IMMP2L: variants seen among roughly 807,000 people sequenced by gnomAD.
The protein encoded by IMMP2L is inner mitochondrial membrane peptidase subunit 2.
Under a neutral mutation model 19.3 loss-of-function variants are expected in IMMP2L, and 18 were observed. That is an observed-to-expected ratio of 0.93 (90% confidence interval 0.64 to 1.38). The LOEUF is 1.38. IMMP2L is among the 40% of genes most tolerant of loss of function. The pLI is 0.00. For synonymous variants in IMMP2L, 76 were observed against 73.0 expected (o/e 1.04, Z -0.21); for missense variants, 233 against 218.2 (o/e 1.07, Z -0.43).
At chr7:111,499,459 G>A (rs1843934325) in intron 2 of IMMP2L, among the ~76,000 whole-genome samples, 1 of 152,146 alleles carries the variant, frequency 6.6e-6, no homozygotes, top group Non-Finnish European at 1.5e-5. Context: ...GTTAATTCAT[G>A]ATATGCATCA....
At chr7:111,405,584 A>C (rs2131455489) in intron 3 of IMMP2L, among the ~76,000 whole-genome samples, 1 of 152,244 alleles carries the variant, frequency 6.6e-6, no homozygotes, top group South Asian at 2.1e-4. Context: ...TACATGAATT[A>C]TTTATGCACT....
intron 5 of IMMP2L, among the ~76,000 whole-genome samples, chr7:110,702,724 G>C (rs1431033428): frequency 6.6e-6 from 1 of 151,998 alleles, no homozygotes; most frequent in African/African-American, 2.4e-5. Flanking sequence ...TTTATTGCTA[G>C]TATAGAGAAA....
chr7:110,894,432 G>C (rs1811120730), intron 4 of IMMP2L, among the ~76,000 whole-genome samples: 1 of 152,096 alleles, frequency 6.6e-6, no homozygotes. Flanking sequence ...AGCCATTTTA[G>C]GGGCATATAA....
At chr7:110,845,002 T>C (rs538636124) in intron 5 of IMMP2L, among the ~76,000 whole-genome samples, 1 of 152,264 alleles carries the variant, frequency 6.6e-6, no homozygotes, top group East Asian at 1.9e-4. Flanking sequence ...GGCTCTTTTA[T>C]TTCCAAACTC....
intron 3 of IMMP2L, among the ~76,000 whole-genome samples, chr7:111,130,217 A>G (rs1216066083): frequency 6.6e-6 from 1 of 152,144 alleles, no homozygotes; most frequent in Non-Finnish European, 1.5e-5. Flanking sequence ...TGTCAATACG[A>G]CTTTTTCTTA....
intron 5 of IMMP2L, among the ~76,000 whole-genome samples, chr7:110,826,281 A>C (rs1399007651): frequency 6.6e-6 from 1 of 152,206 alleles, no homozygotes. Flanking sequence ...CAGTGTGGCG[A>C]TTCCTCGGGG....
chr7:111,436,810 G>A (rs1239562286), intron 3 of IMMP2L, among the ~76,000 whole-genome samples: 3 of 151,860 alleles, frequency 2.0e-5, no homozygotes, highest in Non-Finnish European at 2.9e-5. Context: ...ACAGGAAGCA[G>A]ATTGCTAGCA....
At chr7:110,948,313 A>C (rs568830357) in intron 4 of IMMP2L, among the ~76,000 whole-genome samples, 1 of 152,344 alleles carries the variant, frequency 6.6e-6, no homozygotes, top group Non-Finnish European at 1.5e-5. Context: ...TCCTGACACT[A>C]TTACATACAT....
intron 4 of IMMP2L, among the ~76,000 whole-genome samples, chr7:110,933,949 T>A (rs1043763731): frequency 2.6e-5 from 4 of 152,220 alleles, no homozygotes; most frequent in Non-Finnish European, 4.4e-5. Flanking sequence ...CGATTTTAGA[T>A]CTTTCCTGCT....
At position 111,288,235 on chromosome 7, in the gene IMMP2L, T is replaced by C. The variant is rs149178008; in HGVS notation, c.239+199003A>G. Among the ~76,000 whole-genome samples, 323 of 152,282 alleles carry C rather than the reference T, an allele frequency of 2.1e-3. 3 individuals carry two copies. Among genetic ancestry groups the C allele is most frequent in the African/African-American group, 7.3e-3 (305 of 41,558 alleles). On this transcript the variant is annotated intron_variant, in intron 3 of 5. Transcript: ENST00000405709. ...GTGGTCAAAGGGAAGAGATATTCTATGAAAGAAATTCGTATTTGGTGGATT... is the reference window on the plus strand; with the variant it reads ...GTGGTCAAAGGGAAGAGATATTCTACGAAAGAAATTCGTATTTGGTGGATT...
chr7:110,856,141 A>T (rs1417164094), intron 5 of IMMP2L, among the ~76,000 whole-genome samples: 1 of 152,054 alleles, frequency 6.6e-6, no homozygotes, highest in Non-Finnish European at 1.5e-5. Flanking sequence ...CACCAAATTT[A>T]TAAAACTTTC....
chr7:111,388,498 G>A (rs981276207), intron 3 of IMMP2L, among the ~76,000 whole-genome samples: 3 of 151,898 alleles, frequency 2.0e-5, no homozygotes, highest in South Asian at 2.1e-4. Context: ...ATATATGTAC[G>A]TACATATATA....
At chr7:111,362,095 G>T (rs966134779) in intron 3 of IMMP2L, among the ~76,000 whole-genome samples, 1 of 151,786 alleles carries the variant, frequency 6.6e-6, no homozygotes, top group Non-Finnish European at 1.5e-5. Context: ...GAGTACCAAA[G>T]AAATCTAACT....
rs1584431753 is a variant in IMMP2L at position 110,663,404 on chromosome 7, C to T, written c.*198G>A. On this transcript the variant is annotated 3_prime_UTR_variant, in exon 6 of 6. Coordinates refer to ENST00000405709, the MANE Select transcript of IMMP2L (RefSeq NM_032549.4). Reference sequence around the variant, plus strand: ...TAAACAACAGGGAACTAAAATTTAACACAAAATCAGGTGCCATTTAATACT... The same window carrying T: ...TAAACAACAGGGAACTAAAATTTAATACAAAATCAGGTGCCATTTAATACT... 2.2e-5 allele frequency: 10 copies of T among 458,236 alleles called. No homozygotes were observed. The highest frequency in any genetic ancestry group is 2.0e-4 in the South Asian group (7 of 34,558). The allele number at this position is 458,236 out of a possible 1,614,324, so 28.4% of individuals were successfully genotyped here. A position where few individuals can be genotyped will look rare whatever the true frequency, so the allele number is the denominator to read the frequency against.
chr7:110,780,529 T>C (rs1799664767), intron 5 of IMMP2L, among the ~76,000 whole-genome samples: 1 of 151,736 alleles, frequency 6.6e-6, no homozygotes, highest in Non-Finnish European at 1.5e-5. Flanking sequence ...CAGGCTCCTC[T>C]CACCTCTCAT....
At chr7:110,685,848 G>A (rs944903671) in intron 5 of IMMP2L, among the ~76,000 whole-genome samples, 6 of 151,988 alleles carry the variant, frequency 3.9e-5, no homozygotes, top group Non-Finnish European at 8.8e-5. Flanking sequence ...GGCATTTGCA[G>A]TAATGAACAA....
At chr7:110,786,231 CAT>C (rs1466914483) in intron 5 of IMMP2L, among the ~76,000 whole-genome samples, 3 of 151,874 alleles carry the variant, frequency 2.0e-5, no homozygotes, top group Non-Finnish European at 2.9e-5. Context: ...AAATATAATA[CAT>C]AGTTACTTGA....
At position 110,768,142 on chromosome 7, in the gene IMMP2L, T is replaced by G. The variant is rs917016780; in HGVS notation, c.409-104421A>C. On this transcript the variant is annotated intron_variant, in intron 5 of 5. Coordinates refer to ENST00000405709, the MANE Select transcript of IMMP2L (RefSeq NM_032549.4). ...CTTTACAGAAAGTGACTTGGGATGC[T>G]GCTTTAATTCTACAGTGATTGGGGA... 5.3e-5 allele frequency among the ~76,000 whole-genome samples: 8 copies of G among 152,102 alleles called. 1 individual carries two copies. In the South Asian group the frequency reaches 6.2e-4, roughly 12 times the overall value.
intron 3 of IMMP2L, chr7:111,122,697 C>A: frequency 9.1e-7 from 1 of 1,104,264 alleles, no homozygotes. Flanking sequence ...CCTTATCAAT[C>A]AGCTCCTATT....
Sources: allele counts gnomAD v4.1 joint callset (sites outside exome capture counted in the v4.1 genomes callset), GRCh38; gene constraint gnomAD v4.1.1; transcripts MANE v1.5; gene names NCBI Gene and HGNC (gene_info 2026-07-23, HGNC 2026-07-21).